Variants in CHN1 observed in about 807,000 individuals in gnomAD.
CHN1 encodes chimerin 1.
A neutral mutation model predicts 59.5 loss-of-function variants in CHN1; 37 were observed. That is an observed-to-expected ratio of 0.62 (90% CI 0.48 to 0.82). The LOEUF (loss-of-function observed/expected upper bound fraction) is 0.82, where lower values mean the gene tolerates loss of function less well. Ranked by LOEUF, CHN1 falls within the 40% of genes least tolerant of loss-of-function variation. The pLI is 0.00. For missense variants in CHN1, 469 were observed against 571.0 expected (o/e 0.82, Z 1.82); for synonymous variants, 206 against 200.4 (o/e 1.03, Z -0.24).
chr2:174,863,490 T>C (rs1415284920), intron 6 of CHN1, among the ~76,000 whole-genome samples: 1 of 152,184 alleles, frequency 6.6e-6, no homozygotes, highest in Non-Finnish European at 1.5e-5. Flanking sequence ...GCTACTCTTC[T>C]AAATTTTTTT....
intron 1 of CHN1, among the ~76,000 whole-genome samples, chr2:174,958,517 G>A (rs1343969577): frequency 3.9e-5 from 6 of 152,164 alleles, no homozygotes; most frequent in African/African-American, 1.4e-4. Flanking sequence ...GGGCCTCCCG[G>A]AGATCATTCT....
intron 1 of CHN1, among the ~76,000 whole-genome samples, chr2:174,987,318 A>G (rs1226752833): frequency 6.6e-6 from 1 of 152,154 alleles, no homozygotes; most frequent in Non-Finnish European, 1.5e-5. Flanking sequence ...AGAAAGAGGA[A>G]ATATTAACAT....
chr2:174,855,050 A>G (rs1574092862), intron 6 of CHN1, among the ~76,000 whole-genome samples: 1 of 152,200 alleles, frequency 6.6e-6, no homozygotes. Context: ...ACTAAAGTAC[A>G]AATGACCAAT....
intron 1 of CHN1, among the ~76,000 whole-genome samples, chr2:174,966,728 A>C (rs557507645): frequency 5.9e-5 from 9 of 152,350 alleles, no homozygotes; most frequent in African/African-American, 2.2e-4. Context: ...TCTTCTAGAC[A>C]AGTCAAATCT....
chr2:174,852,955 TG>T (rs1166238382), intron 6 of CHN1, among the ~76,000 whole-genome samples: 1 of 152,142 alleles, frequency 6.6e-6, no homozygotes, highest in African/African-American at 2.4e-5. Context: ...AAACTTAACA[TG>T]GATTAAAGAT....
intron 2 of CHN1, among the ~76,000 whole-genome samples, chr2:174,950,774 GAAGT>G (rs1690002059): frequency 2.1e-5 from 3 of 145,354 alleles, no homozygotes; most frequent in African/African-American, 8.0e-5. Context: ...AAAATGCAGA[GAAGT>G]TTTTTTTTTT....
chr2:174,852,194 C>T (rs1035836095), intron 6 of CHN1, among the ~76,000 whole-genome samples: 12 of 152,030 alleles, frequency 7.9e-5, no homozygotes, highest in Admixed American at 4.6e-4. Flanking sequence ...GAGGCTGAGG[C>T]AGGAGAATCA....
chr2:174,972,442 C>T (rs142110296), intron 1 of CHN1, among the ~76,000 whole-genome samples: 2 of 152,266 alleles, frequency 1.3e-5, no homozygotes, highest in African/African-American at 4.8e-5. Flanking sequence ...CTAAACATTC[C>T]TGCTAGAATA....
chr2:174,952,916 G>T (rs907702624), intron 1 of CHN1, among the ~76,000 whole-genome samples: 1 of 152,174 alleles, frequency 6.6e-6, no homozygotes, highest in Admixed American at 6.5e-5. Context: ...TGACGGACGT[G>T]GAGTTATCAG....
chr2:174,971,843 GACT>G, intron 1 of CHN1, among the ~76,000 whole-genome samples: 1 of 152,280 alleles, frequency 6.6e-6, no homozygotes, highest in East Asian at 1.9e-4. Context: ...CATCCTAGGT[GACT>G]ACATCTAAAA....
intron 6 of CHN1, chr2:174,875,644 G>T: frequency 5.6e-6 from 1 of 177,088 alleles, no homozygotes. Flanking sequence ...GCTAATTCCT[G>T]CAAAGCCAAC....
intron 8 of CHN1, among the ~76,000 whole-genome samples, chr2:174,819,443 T>C (rs1401835573): frequency 6.6e-6 from 1 of 152,178 alleles, no homozygotes; most frequent in African/African-American, 2.4e-5. Context: ...TTTGAAATAA[T>C]TATCCTTCTT....
At chr2:174,948,473 A>G (rs1689914334) in intron 2 of CHN1, among the ~76,000 whole-genome samples, 1 of 152,194 alleles carries the variant, frequency 6.6e-6, no homozygotes, top group African/African-American at 2.4e-5. Flanking sequence ...AAGAGTCCAC[A>G]ACTTAGACTT....
intron 8 of CHN1, among the ~76,000 whole-genome samples, chr2:174,817,267 T>C (rs1268415510): frequency 6.6e-6 from 1 of 152,208 alleles, no homozygotes; most frequent in African/African-American, 2.4e-5. Context: ...CCCTTATAGA[T>C]ATCTATATAT....
chr2:175,003,377 C>A (rs562457586), intron 1 of CHN1, among the ~76,000 whole-genome samples: 135 of 152,280 alleles, frequency 8.9e-4, no homozygotes, highest in African/African-American at 3.1e-3. Context: ...TTTTCCCTTC[C>A]TCATCTTCAC....
At chr2:174,818,639 TTA>T (rs1419411512) in intron 8 of CHN1, among the ~76,000 whole-genome samples, 1 of 139,776 alleles carries the variant, frequency 7.2e-6, no homozygotes, top group Non-Finnish European at 1.5e-5. Flanking sequence ...ACATTTTTTT[TTA>T]TGTTACTATT....
Position 174,928,871 on chromosome 2 carries a change from C to T in CHN1, c.115-10306G>A, listed in dbSNP as rs922402975. On this transcript the variant is annotated intron_variant, in intron 3 of 12. Coordinates refer to ENST00000409900, the MANE Select transcript of CHN1 (RefSeq NM_001822.7). Reference sequence around the variant, plus strand: ...TATCAATATGGTAATAGCTAAGCTTCAACAAATCAATAAAGTTTAAACTTA... The same window carrying T: ...TATCAATATGGTAATAGCTAAGCTTTAACAAATCAATAAAGTTTAAACTTA... 4.6e-5 allele frequency among the ~76,000 whole-genome samples: 7 copies of T among 152,154 alleles called. No homozygotes were observed. The South Asian group carries it at 1.2e-3, about 27-fold the overall frequency.
intron 7 of CHN1, among the ~76,000 whole-genome samples, chr2:174,832,234 G>A (rs1685904320): frequency 6.6e-6 from 1 of 152,072 alleles, no homozygotes; most frequent in Non-Finnish European, 1.5e-5. Context: ...TTAAAAGTAT[G>A]TAGTTAAAAC....
At chr2:174,974,941 C>G (rs1286326177) in intron 1 of CHN1, among the ~76,000 whole-genome samples, 1 of 108,206 alleles carries the variant, frequency 9.2e-6, no homozygotes, top group Non-Finnish European at 1.9e-5. Context: ...ACACACAGAA[C>G]AAATCGACAC....
Sources: gnomAD v4.1 joint callset for allele counts (sites outside exome capture counted in the v4.1 genomes callset) on GRCh38, gnomAD v4.1.1 for gene constraint, MANE v1.5 for transcripts, NCBI Gene and HGNC (gene_info 2026-07-23, HGNC 2026-07-21) for gene names.